The following SCN4A variants were observed in gnomAD, a reference collection of about 807,000 sequenced individuals.
The protein encoded by SCN4A is sodium voltage-gated channel alpha subunit 4.
Under a neutral mutation model 162.0 loss-of-function variants are expected in SCN4A, and 83 were observed. The ratio of observed to expected loss-of-function variants is 0.51; its 90% CI spans 0.43 to 0.61. The LOEUF is 0.61. SCN4A is among the 20% of genes least tolerant of loss of function. SCN4A has a pLI of 0.00. For missense variants in SCN4A, 2,196 were observed against 2,462.5 expected, an observed-to-expected ratio of 0.89 and a Z score of 2.29; for synonymous variants, 944 against 985.1, an observed-to-expected ratio of 0.96 and a Z score of 0.78.
intron 10 of SCN4A, 22 bp downstream of exon 10, chr17:63,963,650 C>T: frequency 6.5e-7 from 1 of 1,537,010 alleles, no homozygotes; most frequent in Non-Finnish European, 8.8e-7. Context: ...CCTAAGTGGG[C>T]ACGGGGGCAC....
In SCN4A at chr17:63,941,377, G is replaced by A. The variant is rs59081944; in HGVS notation, c.4905C>T (p.Ile1635=). The change falls in exon 24 of 24, where the codon ATC becomes ATT. Residue 1635 remains isoleucine (I), a synonymous_variant. Transcript: ENST00000435607. The surrounding 1 kb of genome is among the most constrained non-coding windows in gnomAD (Gnocchi z 6.2). ...EKFDPDATQF[I]AYSRLSDFVD... ...CGAAGTCTGAGAGGCGGCTGTAGGCGATGAACTGGGTGGCGTCGGGGTCGA... is the reference window on the plus strand; with the variant it reads ...CGAAGTCTGAGAGGCGGCTGTAGGCAATGAACTGGGTGGCGTCGGGGTCGA... 4,507 of 1,613,872 alleles carry A rather than the reference G, an allele frequency of 2.8e-3. 98 individuals are homozygous for A. In the African/African-American group the frequency reaches 0.051, roughly 18 times the overall value.
intron 17 of SCN4A, 76 bp downstream of exon 17, chr17:63,947,814 G>A (rs1908773236): frequency 6.7e-7 from 1 of 1,486,808 alleles, no homozygotes. Context: ...TGCCCTTCAG[G>A]GCGTGGGCTT....
At position 63,968,072 on chromosome 17, in the gene SCN4A, G is replaced by C; in HGVS notation, c.987C>G (p.Ser329Arg). The change falls in exon 6 of 24, where the codon AGC becomes AGG. Residue 329 changes from serine to arginine, a missense_variant. Transcript: ENST00000435607. ...YANDTWNSHA[S>R]WATNDTFDWD... ...AATCAAAGGTATCGTTGGTGGCCCA[G>C]CTTGCATGGCTGTTCCACGTGTCGT... 1.2e-6 allele frequency: 2 copies of C among 1,613,974 alleles called. No homozygotes were observed. The highest frequency in any genetic ancestry group is 1.7e-6 in the Non-Finnish European group (2 of 1,179,898).
chr17:63,942,079 G>C, intron 23 of SCN4A, 86 bp from the exon 24 acceptor site: 2 of 1,293,188 alleles, frequency 1.5e-6, no homozygotes, highest in Non-Finnish European at 2.1e-6. Context: ...CAGGGGGCCC[G>C]GCCTGGTGTG....
In SCN4A at chr17:63,957,249, G is replaced by T; in HGVS notation, c.2289C>A (p.Ile763=). ...IVFRILCGEW[I]ETMWDCMEVA... is the part of the protein sequence containing the mutation. Reference sequence around the variant, plus strand: ...CCTCCATGCAGTCCCACATGGTCTCGATCCACTCCCCGCACAGGATGCGGA... The same window carrying T: ...CCTCCATGCAGTCCCACATGGTCTCTATCCACTCCCCGCACAGGATGCGGA... The change falls in exon 13 of 24, where the codon ATC becomes ATA. Residue 763 remains isoleucine, a synonymous_variant. Coordinates refer to ENST00000435607, the MANE Select transcript of SCN4A (RefSeq NM_000334.4). 1.2e-6 allele frequency: 2 copies of T among 1,613,194 alleles called. No individual in the cohort carries two copies. The highest frequency in any genetic ancestry group is 1.7e-6 in the Non-Finnish European group (2 of 1,179,174).
rs1465965966 is a variant in SCN4A, at chr17:63,966,206, G to T, written c.1138C>A (p.Arg380=). Residue 380 remains arginine, a synonymous_variant, in exon 8 of 24, where the codon CGG becomes AGG. Coordinates refer to ENST00000435607, the MANE Select transcript of SCN4A (RefSeq NM_000334.4). ...CTGGTGTAGCCATAGTTGGGGTTCC[G>T]CCCGGTCTTGATGCACTCATAACCC... ...PEGYECIKTG[R]NPNYGYTSYD... 6.2e-7 allele frequency: 1 copy of T among 1,602,746 alleles called. No homozygotes were observed. The highest frequency in any genetic ancestry group is 8.5e-7 in the Non-Finnish European group (1 of 1,174,694).
chr17:63,957,614 A>C, intron 12 of SCN4A, 96 bp from the exon 13 acceptor site: 1 of 774,858 alleles, frequency 1.3e-6, no homozygotes, highest in East Asian at 2.7e-5. Context: ...AGTAGCTTGA[A>C]TCTCCAGCCC....
intron 21 of SCN4A, 34 bp from the exon 22 acceptor site, chr17:63,943,884 C>T: frequency 7.1e-7 from 1 of 1,416,100 alleles, no homozygotes; most frequent in Non-Finnish European, 1.0e-6. Flanking sequence ...GGTTGAGGTG[C>T]AGTTCCCCTT....
At position 63,941,626 on chromosome 17, in the gene SCN4A, G is replaced by A; in HGVS notation, c.4656C>T (p.Asp1552=). The A allele has an allele frequency of 6.2e-7, 1 of 1,614,128 alleles. No individual in the cohort carries two copies. The highest frequency in any genetic ancestry group is 1.1e-5 in the South Asian group (1 of 91,088). Residue 1552 remains aspartate, a synonymous_variant, in exon 24 of 24, where the codon GAC becomes GAT. Transcript: ENST00000435607. The surrounding 1 kb of genome is among the most constrained non-coding windows in gnomAD (Gnocchi z 6.2). ...LNPILNSGPP[D]CDPNLENPGT... The stretch of plus-strand genomic sequence containing the variant: ...CCGGGTTCTCCAGGTTGGGGTCACA[G>A]TCTGGGGGCCCGCTGTTGAGGATGG...
At chr17:63,946,789 T>A (rs1181368599) in intron 18 of SCN4A, among the ~76,000 whole-genome samples, 6 of 151,910 alleles carry the variant, frequency 3.9e-5, no homozygotes, top group Admixed American at 3.9e-4. Flanking sequence ...TCTGCTCCCC[T>A]CAAGTAGTGG....
Position 63,951,735 on chromosome 17 carries a change from T to G in SCN4A, c.2542A>C (p.Ile848Leu), listed in dbSNP as rs747612899. 1.3e-6 allele frequency: 2 copies of G among 1,591,212 alleles called. No homozygotes were observed. The highest frequency in any genetic ancestry group is 4.6e-5 in the East Asian group (2 of 43,728). The stretch of plus-strand genomic sequence containing the variant: ...AGCATGATGTCCTTGGGGCTCAGGA[T>G]CTTGCCATGCAGCAGCCCCAGGAGG... Reference protein sequence around the residue: ...AFLLGLLHGKILSPKDIMLSL... With the variant: ...AFLLGLLHGKLLSPKDIMLSL... The change falls in exon 14 of 24, where the codon ATC becomes CTC. Residue 848 changes from isoleucine (I) to leucine (L), a missense_variant. Transcript: ENST00000435607. This position sits in a 1 kb window ranked among gnomAD's most constrained non-coding sequence, Gnocchi z 4.5.
chr17:63,960,530 A>C (rs192744398), intron 11 of SCN4A, among the ~76,000 whole-genome samples: 1 of 152,252 alleles, frequency 6.6e-6, no homozygotes, highest in African/African-American at 2.4e-5. Context: ...GAAAAATTGC[A>C]AAGGGAATTG....
At chr17:63,956,235 C>A (rs912467028) in intron 13 of SCN4A, among the ~76,000 whole-genome samples, 1 of 152,200 alleles carries the variant, frequency 6.6e-6, no homozygotes, top group African/African-American at 2.4e-5. Flanking sequence ...CCAATATCTG[C>A]ACCTGTTTCT....
intron 10 of SCN4A, among the ~76,000 whole-genome samples, chr17:63,962,485 G>A (rs1324084210): frequency 2.0e-5 from 3 of 152,194 alleles, no homozygotes; most frequent in African/African-American, 4.8e-5. Context: ...TATGGGGCAC[G>A]GTGGGGACAC....
chr17:63,947,009 T>TACC, intron 18 of SCN4A, 36 bp downstream of exon 18: 41 of 716,240 alleles, frequency 5.7e-5, no homozygotes, highest in Middle Eastern at 3.1e-4. Flanking sequence ...CGGTCCCCCA[T>TACC]CCCCAGCCCA....
intron 7 of SCN4A, 50 bp downstream of exon 7, chr17:63,966,431 C>G (rs1413823710): frequency 6.4e-7 from 1 of 1,559,278 alleles, no homozygotes; most frequent in African/African-American, 1.4e-5. Flanking sequence ...TCAGCTCCCA[C>G]CTTCCAAGAC....
At chr17:63,946,542 T>C (rs1037844195) in intron 18 of SCN4A, among the ~76,000 whole-genome samples, 1 of 131,724 alleles carries the variant, frequency 7.6e-6, no homozygotes, top group Non-Finnish European at 1.6e-5. Flanking sequence ...TTCCCCAAAC[T>C]GACCCCAAGC....
intron 13 of SCN4A, among the ~76,000 whole-genome samples, chr17:63,952,362 G>A (rs577242315): frequency 2.0e-4 from 31 of 152,090 alleles, no homozygotes; most frequent in African/African-American, 7.5e-4. Context: ...GTTTCAACAT[G>A]TTGCCCAGGC....
chr17:63,949,721 G>A (rs913665931), intron 14 of SCN4A, 193 bp from the exon 15 acceptor site: 5 of 582,590 alleles, frequency 8.6e-6, no homozygotes, highest in South Asian at 6.7e-5. Context: ...GGTCATGCCC[G>A]CATGACACTT....
Sources: gnomAD v4.1 joint callset for allele counts (sites outside exome capture counted in the v4.1 genomes callset) on GRCh38, gnomAD v4.1.1 for gene constraint, Gnocchi (gnomAD v3.1) non-coding constraint, MANE v1.5 for transcripts, NCBI Gene and HGNC (gene_info 2026-07-23, HGNC 2026-07-21) for gene names.